Variants in VGLL4 observed in about 807,000 individuals in gnomAD.
The protein encoded by VGLL4 is vestigial like family member 4, also known as transcription cofactor vestigial-like protein 4.
In VGLL4, 7 loss-of-function variants were observed where a neutral mutation model predicts 21.0. That is an observed-to-expected ratio of 0.33 (90% CI 0.19 to 0.63). The LOEUF (loss-of-function observed/expected upper bound fraction) is 0.63, where lower values mean the gene tolerates loss of function less well. Among genes scored for constraint, VGLL4 ranks in the 20% least tolerant of loss-of-function variants. The pLI is 0.78. For synonymous variants in VGLL4, 222 were observed against 173.2 expected (o/e 1.28, Z -2.21); for missense variants, 394 against 425.7 (o/e 0.93, Z 0.66).
Position 11,568,007 on chromosome 3 carries a change from GTCCCTGT to G in VGLL4, c.273-2995_273-2989del, listed in dbSNP as rs1241401062. ...TGTTTACTCAACCAGCGCTAGTTAAGTCCCTGTTCTGTGGAGGTTCCAGAACTGCAGG... is the reference window on the plus strand; with the variant it reads ...TGTTTACTCAACCAGCGCTAGTTAAGTCTGTGGAGGTTCCAGAACTGCAGG... On this transcript the variant is annotated intron_variant, in intron 2 of 4. Coordinates refer to ENST00000430365, the MANE Select transcript of VGLL4 (RefSeq NM_001128219.3). The surrounding 1 kb of genome is among the most constrained non-coding windows in gnomAD (Gnocchi z 5.9). Among the ~76,000 whole-genome samples the G allele has an allele frequency of 6.6e-6, 1 of 152,174 alleles. No homozygotes were observed. The highest frequency in any genetic ancestry group is 1.5e-5 in the Non-Finnish European group (1 of 68,046).
chr3:11,569,698 C>T (rs78771786), intron 2 of VGLL4, among the ~76,000 whole-genome samples: 294 of 152,302 alleles, frequency 1.9e-3, no homozygotes, highest in African/African-American at 6.6e-3. Context: ...GACAGCCAGT[C>T]GTTCACACAG....
intron 2 of VGLL4, among the ~76,000 whole-genome samples, chr3:11,677,483 C>T (rs1415493567): frequency 6.6e-6 from 1 of 151,970 alleles, no homozygotes; most frequent in Non-Finnish European, 1.5e-5. Flanking sequence ...CTATGTTGCC[C>T]ATGGTGGTCT....
At chr3:11,676,940 TA>T (rs1171719431) in intron 2 of VGLL4, among the ~76,000 whole-genome samples, 4 of 152,122 alleles carry the variant, frequency 2.6e-5, no homozygotes, top group Non-Finnish European at 2.9e-5. Context: ...TTTTTTGATA[TA>T]AAAAAATTTA....
Position 11,558,422 on chromosome 3 carries a change from C to T in VGLL4, c.*134G>A. On this transcript the variant is annotated 3_prime_UTR_variant, in exon 5 of 5. Transcript: ENST00000430365. The stretch of plus-strand genomic sequence containing the variant: ...AAAAACAGAACACAAATCCCAACAA[C>T]ATGGTTTTTGCAAATAAACCATCCC... The T allele has an allele frequency of 7.3e-7, 1 of 1,362,786 alleles. No homozygotes were observed. The highest frequency in any genetic ancestry group is 2.5e-5 in the East Asian group (1 of 39,968). 84.4% of individuals were successfully genotyped at this position (1,362,786 alleles called of 1,614,324 possible). A position where few individuals can be genotyped will look rare whatever the true frequency, so the allele number is the denominator to read the frequency against.
chr3:11,662,994 G>C (rs1237199059), intron 2 of VGLL4, among the ~76,000 whole-genome samples: 1 of 152,188 alleles, frequency 6.6e-6, no homozygotes, highest in East Asian at 1.9e-4. Flanking sequence ...AAATATAAAG[G>C]AAAGATTATT....
At chr3:11,701,825 T>A (rs2076684828) in intron 2 of VGLL4, among the ~76,000 whole-genome samples, 1 of 152,244 alleles carries the variant, frequency 6.6e-6, no homozygotes, top group Non-Finnish European at 1.5e-5. Flanking sequence ...TTTGTTGTTA[T>A]TAATATTTTA....
At chr3:11,704,458 C>T (rs2076731391) in intron 1 of VGLL4, among the ~76,000 whole-genome samples, 1 of 148,078 alleles carries the variant, frequency 6.8e-6, no homozygotes, top group Non-Finnish European at 1.5e-5. Context: ...TGCAATATGA[C>T]TTCATTCAGT....
chr3:11,648,079 T>C (rs1174707464), upstream of VGLL4, among the ~76,000 whole-genome samples: 1 of 152,178 alleles, frequency 6.6e-6, no homozygotes, highest in Non-Finnish European at 1.5e-5. Context: ...CAGGATAGTT[T>C]TGTAGGGAAT....
At chr3:11,661,380 C>A (rs1472107061) in intron 2 of VGLL4, among the ~76,000 whole-genome samples, 2 of 152,202 alleles carry the variant, frequency 1.3e-5, no homozygotes, top group Non-Finnish European at 2.9e-5. Flanking sequence ...ACACACCAGA[C>A]AGCCAGAGAG....
In VGLL4 at chr3:11,719,967, G is replaced by A. The variant is rs2076971839; in HGVS notation, c.-14+427C>T. Among the ~76,000 whole-genome samples the A allele has an allele frequency of 6.6e-6, 1 of 152,118 alleles. No homozygotes were observed. Among genetic ancestry groups the A allele is most frequent in the South Asian group, 2.1e-4 (1 of 4,828 alleles). On this transcript the variant is annotated intron_variant, in intron 1 of 5. Coordinates refer to the VGLL4 transcript ENST00000273038. The surrounding 1 kb of genome is among the most constrained non-coding windows in gnomAD (Gnocchi z 4.0). ...CATCTCGCACGCCCCCGCCCCCGAG[G>A]CCCCGCCAGGGGACACAGCGCCGTG...
chr3:11,671,310 G>A (rs1363991663), intron 2 of VGLL4: 2 of 1,562,014 alleles, frequency 1.3e-6, no homozygotes, highest in East Asian at 4.5e-5. Flanking sequence ...CAGGACTCAG[G>A]GATTTTGTCA....
rs771433120 is a variant in VGLL4 at position 11,556,640 on chromosome 3, AT to A, written c.*1915del. The A allele has an allele frequency of 2.0e-5, 3 of 152,642 alleles. No individual in the cohort carries two copies. Among genetic ancestry groups the A allele is most frequent in the Admixed American group, 1.3e-4 (2 of 15,284 alleles). The allele number at this position is 152,642 out of a possible 1,614,324, so 9.5% of individuals were successfully genotyped here. On this transcript the variant is annotated 3_prime_UTR_variant, in exon 5 of 5. Coordinates refer to ENST00000430365, the MANE Select transcript of VGLL4 (RefSeq NM_001128219.3). ...TTTTTTTTTCCGAACAACAAAAAAA[AT>A]GAATGATTACAATAGGAAAGGGAAA...
At chr3:11,582,441 G>T (rs984373348) in intron 2 of VGLL4, 1 of 1,444,094 alleles carries the variant, frequency 6.9e-7, no homozygotes, top group Non-Finnish European at 9.3e-7. Flanking sequence ...AGGGTTGCGA[G>T]GTAAGGGGCC....
chr3:11,644,845 C>CAAAAAA (rs11293808), upstream of VGLL4, among the ~76,000 whole-genome samples: 2 of 71,160 alleles, frequency 2.8e-5, no homozygotes, highest in African/African-American at 8.2e-5. Flanking sequence ...GACTTTGTCT[C>CAAAAAA]AAAAAAAAAA....
intron 1 of VGLL4, among the ~76,000 whole-genome samples, chr3:11,716,250 T>A (rs960506021): frequency 1.0e-4 from 15 of 144,614 alleles, no homozygotes; most frequent in Non-Finnish European, 2.1e-4. Flanking sequence ...TGCAGTGAGC[T>A]GAGATCGCGC....
chr3:11,682,444 GGT>G (rs1329741488), intron 2 of VGLL4, among the ~76,000 whole-genome samples: 3,651 of 150,562 alleles, frequency 0.024, 156 homozygotes, highest in African/African-American at 0.085. Flanking sequence ...CAGGTGTGGT[GGT>G]GGGCACCTGT....
intron 1 of VGLL4, among the ~76,000 whole-genome samples, chr3:11,630,715 G>A (rs1381246572): frequency 2.6e-5 from 4 of 152,200 alleles, no homozygotes; most frequent in Non-Finnish European, 4.4e-5. Context: ...GCTGGTAGAA[G>A]AGTAAGATGC....
At chr3:11,563,601 G>A (rs572775671) in intron 3 of VGLL4, among the ~76,000 whole-genome samples, 2 of 152,232 alleles carry the variant, frequency 1.3e-5, no homozygotes, top group Admixed American at 6.5e-5. Context: ...GTGAGCGCTC[G>A]TAAAACGTTG....
chr3:11,569,901 C>A (rs946758668), intron 2 of VGLL4, among the ~76,000 whole-genome samples: 1 of 152,190 alleles, frequency 6.6e-6, no homozygotes, highest in African/African-American at 2.4e-5. Flanking sequence ...AGATTGCTAG[C>A]ACATCTTTAA....
Sources: allele counts gnomAD v4.1 joint callset (sites outside exome capture counted in the v4.1 genomes callset), GRCh38; gene constraint gnomAD v4.1.1; non-coding constraint Gnocchi (gnomAD v3.1); transcripts MANE v1.5; gene names NCBI Gene and HGNC (gene_info 2026-07-23, HGNC 2026-07-21).